The following COL22A1 variants were observed in gnomAD, a reference collection of about 807,000 sequenced individuals.
COL22A1 encodes the protein collagen alpha-1(XXII) chain.
Under a neutral mutation model 248.9 loss-of-function variants are expected in COL22A1, and 221 were observed. The ratio of observed to expected loss-of-function variants is 0.89; its 90% CI spans 0.80 to 0.99. The LOEUF (loss-of-function observed/expected upper bound fraction) is 0.99, where lower values mean the gene tolerates loss of function less well. Among genes scored for constraint, COL22A1 ranks in the 50% least tolerant of loss-of-function variants. The pLI, the probability that COL22A1 is intolerant of heterozygous loss-of-function variation, is 0.00. For missense variants in COL22A1, 2,240 were observed against 2,179.0 expected (o/e 1.03, Z -0.56); for synonymous variants, 891 against 793.4 (o/e 1.12, Z -2.07).
intron 7 of COL22A1, among the ~76,000 whole-genome samples, chr8:138,817,941 C>G (rs1457592930): frequency 1.3e-5 from 2 of 152,150 alleles, no homozygotes; most frequent in Non-Finnish European, 2.9e-5. Flanking sequence ...AACTCAAAGG[C>G]TAAGACAGGC....
chr8:138,809,514 C>CTTTTT (rs1200610157), intron 9 of COL22A1, among the ~76,000 whole-genome samples: 1 of 60,258 alleles, frequency 1.7e-5, no homozygotes, highest in Non-Finnish European at 4.0e-5. Flanking sequence ...TTCTTCTTCT[C>CTTTTT]TTTTTTTCTT....
At chr8:138,775,854 A>G (rs1392323371) in intron 16 of COL22A1, 112 bp downstream of exon 16, 1 of 1,044,328 alleles carries the variant, frequency 9.6e-7, no homozygotes, top group East Asian at 2.4e-5. Context: ...GCACACATGC[A>G]CACACAAATG....
chr8:138,715,802 G>A (rs2131092852), intron 29 of COL22A1, 67 bp from the exon 30 acceptor site: 3 of 1,147,804 alleles, frequency 2.6e-6, no homozygotes, highest in Non-Finnish European at 2.6e-6. Flanking sequence ...CCTCTTCAAG[G>A]TAAGAGCAAC....
At chr8:138,780,599 G>C (rs1814875732) in intron 13 of COL22A1, among the ~76,000 whole-genome samples, 1 of 152,168 alleles carries the variant, frequency 6.6e-6, no homozygotes, top group South Asian at 2.1e-4. Flanking sequence ...GCTACAAACT[G>C]GGGTCTTAAG....
chr8:138,802,099 A>T (rs1241139147), intron 11 of COL22A1, among the ~76,000 whole-genome samples: 1 of 152,172 alleles, frequency 6.6e-6, no homozygotes, highest in African/African-American at 2.4e-5. Flanking sequence ...TTTAATCTTC[A>T]TAATGCTACT....
At chr8:138,743,243 G>A (rs1029881361) in intron 22 of COL22A1, among the ~76,000 whole-genome samples, 1 of 149,970 alleles carries the variant, frequency 6.7e-6, no homozygotes, top group Non-Finnish European at 1.5e-5. Context: ...TGTGATGGTG[G>A]AGTTGATGGT....
chr8:138,876,695 G>A (rs928557080), intron 3 of COL22A1, among the ~76,000 whole-genome samples: 1 of 151,928 alleles, frequency 6.6e-6, no homozygotes, highest in Non-Finnish European at 1.5e-5. Context: ...CTCCCCTTCT[G>A]ACTCACACCC....
At chr8:138,853,517 T>C (rs1298647840) in intron 3 of COL22A1, among the ~76,000 whole-genome samples, 1 of 152,168 alleles carries the variant, frequency 6.6e-6, no homozygotes, top group Non-Finnish European at 1.5e-5. Flanking sequence ...ATTTACAAAT[T>C]ACTTTCACCA....
At chr8:138,816,856 G>A (rs1019802399) in intron 7 of COL22A1, among the ~76,000 whole-genome samples, 1 of 152,172 alleles carries the variant, frequency 6.6e-6, no homozygotes, top group Non-Finnish European at 1.5e-5. Context: ...ATATTTTCTT[G>A]ATACTTGGTT....
At chr8:138,873,458 T>TA (rs1249403480) in intron 3 of COL22A1, among the ~76,000 whole-genome samples, 2 of 152,104 alleles carry the variant, frequency 1.3e-5, no homozygotes, top group Non-Finnish European at 2.9e-5. Context: ...CTTTAAACAA[T>TA]ATTTAGGAGC....
chr8:138,629,072 A>T (rs1209703659), intron 50 of COL22A1, among the ~76,000 whole-genome samples: 1 of 151,954 alleles, frequency 6.6e-6, no homozygotes, highest in Admixed American at 6.6e-5. Flanking sequence ...TGGTCTCCCA[A>T]AGTGCTGTGA....
intron 58 of COL22A1, among the ~76,000 whole-genome samples, chr8:138,605,054 T>C (rs989445194): frequency 6.6e-6 from 1 of 152,246 alleles, no homozygotes; most frequent in African/African-American, 2.4e-5. Context: ...ATTTTACAAA[T>C]AGTCCTGTTG....
chr8:138,794,688 G>T (rs1443400467), intron 12 of COL22A1, among the ~76,000 whole-genome samples: 1 of 152,180 alleles, frequency 6.6e-6, no homozygotes, highest in East Asian at 1.9e-4. Context: ...AGATCATACA[G>T]TAGCTCTATT....
At chr8:138,758,065 A>T (rs1833173029) in intron 18 of COL22A1, among the ~76,000 whole-genome samples, 1 of 152,210 alleles carries the variant, frequency 6.6e-6, no homozygotes, top group Non-Finnish European at 1.5e-5. Flanking sequence ...CCCAACCTTG[A>T]ACCAGTCACT....
chr8:138,639,642 GT>G (rs961722249), intron 47 of COL22A1, among the ~76,000 whole-genome samples: 317 of 151,444 alleles, frequency 2.1e-3, no homozygotes, highest in African/African-American at 7.1e-3. Context: ...GTTATTGTTA[GT>G]TTTTTTTTAG....
chr8:138,905,889 T>G (rs914172334), intron 1 of COL22A1, among the ~76,000 whole-genome samples: 1 of 152,170 alleles, frequency 6.6e-6, no homozygotes, highest in Admixed American at 6.5e-5. Flanking sequence ...ACTCCTGACA[T>G]TGTCTGTGTT....
chr8:138,804,323 A>G (rs1407428123), intron 10 of COL22A1, among the ~76,000 whole-genome samples: 1 of 152,162 alleles, frequency 6.6e-6, no homozygotes, highest in African/African-American at 2.4e-5. Flanking sequence ...CCACGATTGC[A>G]AGTGAGCTCT....
chr8:138,894,665 G>A (rs1009949365), intron 1 of COL22A1, among the ~76,000 whole-genome samples: 1 of 152,176 alleles, frequency 6.6e-6, no homozygotes, highest in African/African-American at 2.4e-5. Context: ...AGAAAACAGA[G>A]CTTTCAGTGG....
chr8:138,641,998 C>T lies in COL22A1; in HGVS notation c.3501+4631G>A, dbSNP rs141676120. Among the ~76,000 whole-genome samples the T allele has an allele frequency of 3.1e-3, 465 of 152,270 alleles. 3 individuals are homozygous for T. The highest frequency in any genetic ancestry group is 0.011 in the African/African-American group (449 of 41,552). ...GCTGGCTTGGGTTTCAAGCCAAGAACCACAATAGACTGAGTCCTCAGAGGA... is the reference window on the plus strand; with the variant it reads ...GCTGGCTTGGGTTTCAAGCCAAGAATCACAATAGACTGAGTCCTCAGAGGA... On this transcript the variant is annotated intron_variant, in intron 47 of 64. Transcript: ENST00000303045.
Sources: allele counts gnomAD v4.1 joint callset (sites outside exome capture counted in the v4.1 genomes callset), GRCh38; gene constraint gnomAD v4.1.1; transcripts MANE v1.5; gene names NCBI Gene and HGNC (gene_info 2026-07-23, HGNC 2026-07-21).